The following EFNA5 variants were observed in gnomAD, a reference collection of about 807,000 sequenced individuals.
EFNA5 encodes the protein ephrin-A5.
Under a neutral mutation model 22.9 loss-of-function variants are expected in EFNA5, and 5 were observed. The observed-to-expected ratio is 0.22, with a 90% confidence interval of 0.11 to 0.46. The LOEUF (loss-of-function observed/expected upper bound fraction) is 0.46, where lower values mean the gene tolerates loss of function less well. Ranked by LOEUF, EFNA5 falls within the 20% of genes least tolerant of loss-of-function variation. EFNA5 has a pLI of 0.99. For synonymous variants in EFNA5, 113 were observed against 112.2 expected (o/e 1.01, Z -0.04); for missense variants, 237 against 293.3 (o/e 0.81, Z 1.40).
At chr5:107,638,155 C>G (rs1453521123) in intron 1 of EFNA5, among the ~76,000 whole-genome samples, 1 of 152,008 alleles carries the variant, frequency 6.6e-6, no homozygotes, top group African/African-American at 2.4e-5. Context: ...GCCCGGCCAA[C>G]AGTTTACTTT....
rs76798007 is a variant in EFNA5 at position 107,608,417 on chromosome 5, G to A, written c.125+62072C>T. Among the ~76,000 whole-genome samples the A allele has an allele frequency of 2.4e-3, 366 of 152,288 alleles. 1 individual carries two copies. Among genetic ancestry groups the A allele is most frequent in the African/African-American group, 8.4e-3 (348 of 41,564 alleles). On this transcript the variant is annotated intron_variant, in intron 1 of 4. Coordinates refer to ENST00000333274, the MANE Select transcript of EFNA5 (RefSeq NM_001962.3). ...CTTAAAATGTTAAGCCTCATTCATC[G>A]TAAAAATTCACTGCTCAAACTCTAG...
chr5:107,384,353 T>A (rs143995579), intron 4 of EFNA5, among the ~76,000 whole-genome samples: 108 of 152,316 alleles, frequency 7.1e-4, no homozygotes, highest in Middle Eastern at 3.4e-3. Context: ...TGGAGCATGT[T>A]ATGTGGCATA....
At chr5:107,511,048 G>C (rs568102739) in intron 1 of EFNA5, among the ~76,000 whole-genome samples, 69 of 150,282 alleles carry the variant, frequency 4.6e-4, no homozygotes, top group African/African-American at 1.7e-3. Context: ...GTGTGAGACG[G>C]AGAGTTTTGC....
intron 1 of EFNA5, among the ~76,000 whole-genome samples, chr5:107,473,790 A>T (rs1413122520): frequency 1.3e-5 from 2 of 151,660 alleles, no homozygotes; most frequent in East Asian, 3.9e-4. Flanking sequence ...CCTTCTGAAT[A>T]GCTGGGATTA....
chr5:107,556,193 T>G (rs1303857441), intron 1 of EFNA5, among the ~76,000 whole-genome samples: 1 of 152,208 alleles, frequency 6.6e-6, no homozygotes, highest in Admixed American at 6.5e-5. Context: ...ACTCACAGTT[T>G]CCTATCCACC....
intron 2 of EFNA5, among the ~76,000 whole-genome samples, chr5:107,405,078 C>A (rs1748173389): frequency 6.6e-6 from 1 of 152,278 alleles, no homozygotes; most frequent in Admixed American, 6.5e-5. Context: ...AAACAGGAAA[C>A]AAACACAGTA....
At chr5:107,384,129 C>A (rs1265633747) in intron 4 of EFNA5, among the ~76,000 whole-genome samples, 1 of 152,092 alleles carries the variant, frequency 6.6e-6, no homozygotes, top group Non-Finnish European at 1.5e-5. Flanking sequence ...TAAATCTGAG[C>A]AATTTCAGAA....
chr5:107,416,850 T>C (rs1229011167), intron 2 of EFNA5, among the ~76,000 whole-genome samples: 1 of 152,184 alleles, frequency 6.6e-6, no homozygotes, highest in Non-Finnish European at 1.5e-5. Context: ...CCATTAAAAA[T>C]TCCACCTAAA....
chr5:107,605,194 T>C (rs1749688859), intron 1 of EFNA5, among the ~76,000 whole-genome samples: 1 of 151,954 alleles, frequency 6.6e-6, no homozygotes, highest in Admixed American at 6.6e-5. Flanking sequence ...TGTTAGGATG[T>C]GGTTTCTGTG....
intron 1 of EFNA5, among the ~76,000 whole-genome samples, chr5:107,549,568 G>A (rs891589843): frequency 6.6e-6 from 1 of 152,204 alleles, no homozygotes; most frequent in African/African-American, 2.4e-5. Flanking sequence ...CCATCGAATT[G>A]TGTGCTCATC....
At chr5:107,421,713 T>C (rs1328860805) in intron 2 of EFNA5, among the ~76,000 whole-genome samples, 2 of 152,170 alleles carry the variant, frequency 1.3e-5, no homozygotes, top group Non-Finnish European at 2.9e-5. Context: ...TGCTATTTGT[T>C]TCTAATCTGT....
chr5:107,600,177 G>A (rs1561445789), intron 1 of EFNA5, among the ~76,000 whole-genome samples: 1 of 152,180 alleles, frequency 6.6e-6, no homozygotes, highest in Non-Finnish European at 1.5e-5. Context: ...GTTTGAAGGT[G>A]ACAGAAGGGA....
At chr5:107,583,481 T>A (rs928965411) in intron 1 of EFNA5, among the ~76,000 whole-genome samples, 4 of 152,228 alleles carry the variant, frequency 2.6e-5, no homozygotes, top group Non-Finnish European at 5.9e-5. Context: ...ATTTCCCTAC[T>A]CTTTAATGTG....
intron 1 of EFNA5, among the ~76,000 whole-genome samples, chr5:107,462,471 A>G (rs1257079840): frequency 6.6e-6 from 1 of 152,160 alleles, no homozygotes; most frequent in Non-Finnish European, 1.5e-5. Context: ...CATAGTGCAG[A>G]AAGTTCCATG....
intron 1 of EFNA5, among the ~76,000 whole-genome samples, chr5:107,488,652 T>C (rs1746712416): frequency 6.6e-6 from 1 of 152,126 alleles, no homozygotes; most frequent in African/African-American, 2.4e-5. Context: ...CACACACAAC[T>C]AGTGAGCCCT....
At chr5:107,615,359 A>T (rs1412867381) in intron 1 of EFNA5, among the ~76,000 whole-genome samples, 1 of 152,096 alleles carries the variant, frequency 6.6e-6, no homozygotes, top group African/African-American at 2.4e-5. Flanking sequence ...CATCATGAGG[A>T]TGCAAGAGAA....
intron 1 of EFNA5, among the ~76,000 whole-genome samples, chr5:107,451,590 T>A (rs1749562136): frequency 6.6e-6 from 1 of 152,016 alleles, no homozygotes; most frequent in Non-Finnish European, 1.5e-5. Context: ...GAGAAAACGA[T>A]GGTGAATAGA....
At chr5:107,624,100 A>G (rs1750097163) in intron 1 of EFNA5, among the ~76,000 whole-genome samples, 2 of 152,148 alleles carry the variant, frequency 1.3e-5, no homozygotes, top group African/African-American at 2.4e-5. Flanking sequence ...CAATATCACT[A>G]AGTGTCACCC....
chr5:107,642,808 G>A (rs549483785), intron 1 of EFNA5, among the ~76,000 whole-genome samples: 1 of 151,970 alleles, frequency 6.6e-6, no homozygotes, highest in African/African-American at 2.4e-5. Flanking sequence ...AGTCTTTTAG[G>A]GATCACTTTA....
Sources: gnomAD v4.1 joint callset for allele counts (sites outside exome capture counted in the v4.1 genomes callset) on GRCh38, gnomAD v4.1.1 for gene constraint, MANE v1.5 for transcripts, NCBI Gene and HGNC (gene_info 2026-07-23, HGNC 2026-07-21) for gene names.